Variants in CFAP70 observed in about 807,000 individuals in gnomAD.
The protein encoded by CFAP70 is cilia and flagella associated protein 70.
CFAP70 carries 81 observed loss-of-function variants against 137.6 expected under a neutral mutation model. That is an observed-to-expected ratio of 0.59 (90% CI 0.49 to 0.71). The LOEUF is 0.71. CFAP70 is among the 30% of genes least tolerant of loss of function. The pLI is 0.00. For missense variants in CFAP70, 976 were observed against 1,226.7 expected (o/e 0.80, Z 3.05); for synonymous variants, 382 against 423.6 (o/e 0.90, Z 1.20).
intron 8 of CFAP70, among the ~76,000 whole-genome samples, chr10:73,324,058 C>A (rs1189325065): frequency 6.6e-6 from 1 of 152,210 alleles, no homozygotes; most frequent in Non-Finnish European, 1.5e-5. Context: ...CCCCTGACCC[C>A]CGAGCAGCCT....
At chr10:73,334,872 C>G (rs2052480339) in intron 7 of CFAP70, among the ~76,000 whole-genome samples, 1 of 149,444 alleles carries the variant, frequency 6.7e-6, no homozygotes, top group African/African-American at 2.5e-5. Flanking sequence ...GCCATTGCAC[C>G]TGGCCGAGTT....
intron 9 of CFAP70, 143 bp from the exon 11 acceptor site, chr10:73,312,786 A>G (rs1193081501): frequency 2.8e-6 from 2 of 713,692 alleles, no homozygotes; most frequent in Non-Finnish European, 2.2e-6. Context: ...GAAAGACTTC[A>G]TTGTATTTCC....
chr10:73,345,494 A>C (rs1002142850), intron 4 of CFAP70, among the ~76,000 whole-genome samples: 1 of 152,134 alleles, frequency 6.6e-6, no homozygotes, highest in Non-Finnish European at 1.5e-5. Context: ...TACATATAAA[A>C]CAGGAATTGT....
At chr10:73,255,131 G>C (rs1289592584) in intron 26 of CFAP70, among the ~76,000 whole-genome samples, 2 of 152,146 alleles carry the variant, frequency 1.3e-5, no homozygotes, top group Admixed American at 6.5e-5. Flanking sequence ...AGGCGTGGTG[G>C]CTCACGCTTA....
chr10:73,298,835 A>G (rs1490076512), intron 14 of CFAP70, 72 bp downstream of exon 15: 4 of 1,374,930 alleles, frequency 2.9e-6, no homozygotes, highest in Non-Finnish European at 4.1e-6. Flanking sequence ...CAGAGGAGAA[A>G]ATGTGATGTG....
chr10:73,336,217 G>C (rs1303381799), intron 6 of CFAP70, among the ~76,000 whole-genome samples: 1 of 152,044 alleles, frequency 6.6e-6, no homozygotes, highest in African/African-American at 2.4e-5. Flanking sequence ...CCTGGGTTAA[G>C]ACTTGGCCAT....
exon 12 of CFAP70, chr10:73,310,222 C>T (rs150901801): frequency 3.7e-6 from 6 of 1,612,834 alleles, no homozygotes; most frequent in Non-Finnish European, 5.1e-6. Context: ...ATTTCCAACA[C>T]AATGTATGTC....
At chr10:73,269,156 A>G in intron 25 of CFAP70, among the ~76,000 whole-genome samples, 1 of 152,216 alleles carries the variant, frequency 6.6e-6, no homozygotes, top group Non-Finnish European at 1.5e-5. Context: ...ATGTGATCTT[A>G]GACTGATACG....
chr10:73,264,368 A>C (rs768935409), intron 25 of CFAP70, among the ~76,000 whole-genome samples: 1 of 152,238 alleles, frequency 6.6e-6, no homozygotes, highest in Non-Finnish European at 1.5e-5. Context: ...ATTTAGACAC[A>C]TATGAATATA....
chr10:73,254,044 T>G, exon 27 of CFAP70: 1 of 1,582,140 alleles, frequency 6.3e-7, no homozygotes, highest in Non-Finnish European at 8.6e-7. Context: ...GAGCCTCATC[T>G]TTCAATTTCA....
intron 25 of CFAP70, among the ~76,000 whole-genome samples, chr10:73,263,362 C>A (rs1470063514): frequency 6.6e-6 from 1 of 152,198 alleles, no homozygotes; most frequent in Admixed American, 6.5e-5. Context: ...GGATTACAGG[C>A]ATGAGCCACC....
chr10:73,262,340 G>C (rs973248665), intron 25 of CFAP70, among the ~76,000 whole-genome samples: 19 of 152,112 alleles, frequency 1.2e-4, no homozygotes, highest in African/African-American at 4.6e-4. Flanking sequence ...CTGCCAGTTA[G>C]TCACTTCATA....
chr10:73,347,868 A>G (rs1371615001), intron 4 of CFAP70, among the ~76,000 whole-genome samples: 1 of 152,182 alleles, frequency 6.6e-6, no homozygotes. Flanking sequence ...TCCATGGTTA[A>G]GCCTTCCTTG....
intron 3 of CFAP70, among the ~76,000 whole-genome samples, chr10:73,351,149 T>C (rs1192332895): frequency 7.3e-6 from 1 of 136,218 alleles, no homozygotes. Flanking sequence ...GACGGAGTCT[T>C]GCTTTGTCAC....
intron 5 of CFAP70, among the ~76,000 whole-genome samples, chr10:73,343,643 A>T (rs1681783461): frequency 6.6e-6 from 1 of 152,144 alleles, no homozygotes; most frequent in African/African-American, 2.4e-5. Context: ...CGGGAGGCAC[A>T]GGGTGGAGTG....
At chr10:73,318,934 C>A (rs1018537726) in intron 9 of CFAP70, among the ~76,000 whole-genome samples, 2 of 152,172 alleles carry the variant, frequency 1.3e-5, no homozygotes, top group African/African-American at 4.8e-5. Context: ...TACGCTTCTA[C>A]GAGCAGTGAA....
chr10:73,269,674 G>C (rs1328229538), exon 25 of CFAP70: 3 of 1,613,660 alleles, frequency 1.9e-6, no homozygotes, highest in Non-Finnish European at 1.7e-6. Context: ...TCAATGCATT[G>C]GCTTCAGAAA....
intron 8 of CFAP70, among the ~76,000 whole-genome samples, chr10:73,327,266 G>C (rs2051549476): frequency 6.6e-6 from 1 of 150,908 alleles, no homozygotes; most frequent in South Asian, 2.1e-4. Context: ...ATGCAGAAAA[G>C]GCCTTTGACA....
At chr10:73,309,607 C>A (rs2049718407) in intron 12 of CFAP70, among the ~76,000 whole-genome samples, 2 of 150,280 alleles carry the variant, frequency 1.3e-5, no homozygotes, top group South Asian at 4.3e-4. Context: ...GCTACCACAC[C>A]TGACCTTGGG....
Sources: gnomAD v4.1 joint callset for allele counts (sites outside exome capture counted in the v4.1 genomes callset) on GRCh38, gnomAD v4.1.1 for gene constraint, MANE v1.5 for transcripts, NCBI Gene and HGNC (gene_info 2026-07-23, HGNC 2026-07-21) for gene names.